The following CD300E variants were observed in gnomAD, a reference collection of about 807,000 sequenced individuals.
CD300E encodes the protein CD300e molecule.
A neutral mutation model predicts 20.9 loss-of-function variants in CD300E; 14 were observed. The observed-to-expected ratio is 0.67, with a 90% CI of 0.44 to 1.05. CD300E has a LOEUF of 1.05. Ranked by LOEUF, CD300E falls within the 50% of genes least tolerant of loss-of-function variation. CD300E has a pLI of 0.00. For missense variants in CD300E, 237 were observed against 253.9 expected, an observed-to-expected ratio of 0.93 and a Z score of 0.45; for synonymous variants, 102 against 103.7, an observed-to-expected ratio of 0.98 and a Z score of 0.10.
intron 3 of CD300E, 112 bp downstream of exon 3, chr17:74,613,813 A>G: frequency 1.5e-6 from 1 of 661,844 alleles, no homozygotes; most frequent in East Asian, 2.7e-5. Flanking sequence ...AGGACCAGAG[A>G]TGGAGAGAAA....
intron 2 of CD300E, among the ~76,000 whole-genome samples, chr17:74,616,551 A>G (rs915704730): frequency 6.6e-6 from 1 of 152,122 alleles, no homozygotes; most frequent in African/African-American, 2.4e-5. Context: ...AAGCACAGGT[A>G]GAGGGTGGGC....
intron 2 of CD300E, among the ~76,000 whole-genome samples, chr17:74,616,265 A>T (rs1384621270): frequency 6.6e-6 from 1 of 152,094 alleles, no homozygotes; most frequent in African/African-American, 2.4e-5. Flanking sequence ...GAGCTGATTG[A>T]TGAAAAGTTG....
intron 1 of CD300E, among the ~76,000 whole-genome samples, chr17:74,622,790 T>C (rs1222782710): frequency 6.6e-6 from 1 of 152,022 alleles, no homozygotes; most frequent in African/African-American, 2.4e-5. Flanking sequence ...GCCAGACTGC[T>C]GCAGTGGTGC....
intron 2 of CD300E, among the ~76,000 whole-genome samples, chr17:74,616,016 G>A (rs556468171): frequency 3.7e-4 from 57 of 152,252 alleles, no homozygotes; most frequent in African/African-American, 1.3e-3. Context: ...CCCAGGAGGC[G>A]GAGGTTGCAG....
intron 2 of CD300E, 50 bp from the exon 3 acceptor site, chr17:74,614,083 G>T (rs1172906744): frequency 1.5e-6 from 2 of 1,369,836 alleles, no homozygotes; most frequent in Non-Finnish European, 2.1e-6. Context: ...TCCCAGCCAT[G>T]CACAGAACAC....
rs2030843611 is a variant in CD300E, at chr17:74,613,968, C to G, written c.454G>C (p.Gly152Arg). ...TPPIFLVVNPGRNLSTGEVLT... is the reference protein window; with the variant it reads ...TPPIFLVVNPRRNLSTGEVLT... ...ACCTCCCCGGTGCTGAGGTTTCGCCCAGGGTTCACCACCAGGAAGATGGGA... is the reference window on the plus strand; with the variant it reads ...ACCTCCCCGGTGCTGAGGTTTCGCCGAGGGTTCACCACCAGGAAGATGGGA... The change falls in exon 3 of 4, where the codon GGG becomes CGG. Residue 152 changes from glycine (G) to arginine (R), a missense_variant. Physicochemically the swap from Gly to Arg is moderately radical, Grantham distance 125. Transcript: ENST00000392619. 1 of 1,613,890 alleles carries G rather than the reference C, an allele frequency of 6.2e-7. No individual in the cohort carries two copies. The highest frequency in any genetic ancestry group is 8.5e-7 in the Non-Finnish European group (1 of 1,179,954).
At chr17:74,621,625 T>C (rs1407185886) in intron 1 of CD300E, among the ~76,000 whole-genome samples, 3 of 152,200 alleles carry the variant, frequency 2.0e-5, no homozygotes, top group African/African-American at 7.2e-5. Context: ...CTACTAAATA[T>C]TGGACAGCAA....
chr17:74,617,097 C>G, intron 2 of CD300E, 21 bp downstream of exon 2: 1 of 1,608,892 alleles, frequency 6.2e-7, no homozygotes, highest in East Asian at 2.2e-5. Flanking sequence ...ACCCTGCTGC[C>G]AAAGTGAGGG....
chr17:74,613,795 T>G, intron 3 of CD300E, 130 bp downstream of exon 3: 12 of 626,044 alleles, frequency 1.9e-5, no homozygotes, highest in East Asian at 5.6e-5. Flanking sequence ...TCAGAGAGTA[T>G]GAGAATCAGG....
intron 1 of CD300E, among the ~76,000 whole-genome samples, chr17:74,620,140 C>T (rs1163502948): frequency 6.6e-6 from 1 of 151,458 alleles, no homozygotes; most frequent in African/African-American, 2.4e-5. Flanking sequence ...AGATCGAGAC[C>T]TTCCTGGCCA....
intron 1 of CD300E, chr17:74,619,151 C>T (rs1476349813): frequency 2.1e-6 from 1 of 471,178 alleles, no homozygotes; most frequent in African/African-American, 2.0e-5. Context: ...ATCCCAGCAG[C>T]ACCTCCTTCT....
intron 1 of CD300E, 23 bp from the exon 2 acceptor site, chr17:74,617,488 C>T: frequency 1.3e-6 from 2 of 1,589,774 alleles, no homozygotes; most frequent in Admixed American, 3.4e-5. Flanking sequence ...AGCCCGAGTC[C>T]CAAGTCTCCA....
In CD300E at chr17:74,612,383, G is replaced by A. The variant is rs1598147054; in HGVS notation, c.*270C>T. On this transcript the variant is annotated 3_prime_UTR_variant, in exon 4 of 4. Transcript: ENST00000392619. Reference sequence around the variant, plus strand: ...TGGGATTATAGGCACTCGCTATGGTGCCCGGCCAACTTCCAGGGAATTCTT... The same window carrying A: ...TGGGATTATAGGCACTCGCTATGGTACCCGGCCAACTTCCAGGGAATTCTT... The A allele has an allele frequency of 2.3e-5, 7 of 299,032 alleles. No individual in the cohort carries two copies. The highest frequency in any genetic ancestry group is 2.3e-4 in the Admixed American group (5 of 21,968). The allele number at this position is 299,032 out of a possible 1,614,324, so 18.5% of individuals were successfully genotyped here.
intron 2 of CD300E, among the ~76,000 whole-genome samples, chr17:74,615,984 G>A (rs553366365): frequency 7.9e-5 from 12 of 152,306 alleles, no homozygotes; most frequent in African/African-American, 2.6e-4. Flanking sequence ...TACTCAGGGG[G>A]CTGAGGTGGG....
Position 74,617,435 on chromosome 17 carries a change from A to G in CD300E, c.71T>C (p.Val24Ala). 6.2e-7 allele frequency: 1 copy of G among 1,613,798 alleles called. No individual in the cohort carries two copies. Among genetic ancestry groups the G allele is most frequent in the Non-Finnish European group, 8.5e-7 (1 of 1,179,974 alleles). Residue 24 changes from valine (V) to alanine (A), a missense_variant, in exon 2 of 4, where the codon GTG becomes GCG. Val to Ala is a moderately conservative substitution (Grantham distance 64). Coordinates refer to ENST00000392619, the MANE Select transcript of CD300E (RefSeq NM_181449.3). ...GCLSLKGPGS[V>A]TGTAGDSLTV... ...CAGAGAGTCCCCCGCAGTGCCAGTC[A>G]CAGAGCCGGGGCCCTTCAGAGACAA... is the stretch of plus-strand genomic sequence containing the variant.
chr17:74,621,575 T>C (rs879535916), intron 1 of CD300E, among the ~76,000 whole-genome samples: 2 of 152,260 alleles, frequency 1.3e-5, no homozygotes, highest in Admixed American at 6.5e-5. Flanking sequence ...GGTGCATTTG[T>C]TGAAACATGT....
intron 3 of CD300E, among the ~76,000 whole-genome samples, chr17:74,613,655 G>C (rs550561532): frequency 2.0e-5 from 3 of 152,348 alleles, no homozygotes; most frequent in Non-Finnish European, 2.9e-5. Flanking sequence ...AGACAGGAAG[G>C]AGTGGGGAAG....
intron 1 of CD300E, chr17:74,619,407 A>C (rs1475369667): frequency 4.5e-6 from 1 of 223,652 alleles, no homozygotes; most frequent in Non-Finnish European, 9.2e-6. Context: ...GCAGATAGGA[A>C]GTCAGACTCA....
At chr17:74,623,060 A>T (rs1384952790) in intron 1 of CD300E, among the ~76,000 whole-genome samples, 1 of 152,200 alleles carries the variant, frequency 6.6e-6, no homozygotes, top group Admixed American at 6.5e-5. Flanking sequence ...CTCACAAACC[A>T]TTCCAACCCC....
Sources: allele counts gnomAD v4.1 joint callset (sites outside exome capture counted in the v4.1 genomes callset), GRCh38; gene constraint gnomAD v4.1.1; transcripts MANE v1.5; gene names NCBI Gene and HGNC (gene_info 2026-07-23, HGNC 2026-07-21).